PALM2AKAP2: variants seen among roughly 807,000 people sequenced by gnomAD.
The protein encoded by PALM2AKAP2 is PALM2-AKAP2 fusion protein.
A neutral mutation model predicts 71.5 loss-of-function variants in PALM2AKAP2; 37 were observed. The ratio of observed to expected loss-of-function variants is 0.52; its 90% CI spans 0.40 to 0.68. The LOEUF is 0.68. Among genes scored for constraint, PALM2AKAP2 ranks in the 30% least tolerant of loss-of-function variants. The pLI is 0.00. For synonymous variants in PALM2AKAP2, 468 were observed against 478.8 expected (o/e 0.98, Z 0.29); for missense variants, 1,224 against 1,191.8 (o/e 1.03, Z -0.40).
intron 1 of PALM2AKAP2, among the ~76,000 whole-genome samples, chr9:110,085,179 G>A (rs546194470): frequency 5.5e-4 from 84 of 152,194 alleles, no homozygotes; most frequent in Non-Finnish European, 1.0e-3. Flanking sequence ...GTGGTGACCC[G>A]TAGGAATTGT....
chr9:109,681,672 G>C (rs1036369529), intron 1 of PALM2AKAP2, among the ~76,000 whole-genome samples: 4 of 152,194 alleles, frequency 2.6e-5, no homozygotes, highest in African/African-American at 9.6e-5. Context: ...AAGCTGAATG[G>C]ATAGGCTGAA....
At chr9:109,677,544 T>C (rs2118507363) in intron 1 of PALM2AKAP2, among the ~76,000 whole-genome samples, 1 of 152,004 alleles carries the variant, frequency 6.6e-6, no homozygotes, top group African/African-American at 2.4e-5. Context: ...GGCGGGCACC[T>C]GTAATCCAAG....
intron 3 of PALM2AKAP2, among the ~76,000 whole-genome samples, chr9:110,160,248 T>C (rs1836563232): frequency 6.6e-6 from 1 of 152,240 alleles, no homozygotes; most frequent in African/African-American, 2.4e-5. Context: ...CCCTTTAGTC[T>C]GATGCTTTTG....
At chr9:110,044,007 C>G (rs1213106829), upstream of PALM2AKAP2, among the ~76,000 whole-genome samples, 2 of 152,046 alleles carry the variant, frequency 1.3e-5, no homozygotes, top group African/African-American at 4.8e-5. Context: ...GTGTGAGCCA[C>G]CACATCCAGC....
chr9:110,070,565 G>T (rs374641252), intron 1 of PALM2AKAP2, among the ~76,000 whole-genome samples: 1 of 152,178 alleles, frequency 6.6e-6, no homozygotes, highest in Non-Finnish European at 1.5e-5. Context: ...AAAAGTATAA[G>T]TTGGTCAATT....
At chr9:110,029,077 G>A (rs1833233028) in intron 7 of PALM2AKAP2, among the ~76,000 whole-genome samples, 1 of 151,982 alleles carries the variant, frequency 6.6e-6, no homozygotes, top group African/African-American at 2.4e-5. Flanking sequence ...CCCTTGATAT[G>A]CTTCTTTGCT....
intron 3 of PALM2AKAP2, among the ~76,000 whole-genome samples, chr9:109,892,259 T>A (rs963133013): frequency 6.6e-6 from 1 of 152,202 alleles, no homozygotes; most frequent in Non-Finnish European, 1.5e-5. Context: ...TGTGGCTGTG[T>A]CGCTCTAATC....
At chr9:110,096,426 A>AATTTATTTATTTATTTATTTAGTT (rs1834839568) in intron 1 of PALM2AKAP2, among the ~76,000 whole-genome samples, 1 of 149,400 alleles carries the variant, frequency 6.7e-6, no homozygotes, top group African/African-American at 2.5e-5. Flanking sequence ...ATTATGCCTG[A>AATTTATTTATTTATTTATTTAGTT]ATTTATTTAT....
chr9:110,065,068 G>A (rs1226511392), intron 1 of PALM2AKAP2, among the ~76,000 whole-genome samples: 4 of 152,188 alleles, frequency 2.6e-5, no homozygotes, highest in African/African-American at 9.7e-5. Flanking sequence ...AAGCTTTGGT[G>A]TCACACCAGC....
At chr9:109,651,572 G>A (rs1389324841) in intron 1 of PALM2AKAP2, among the ~76,000 whole-genome samples, 1 of 152,206 alleles carries the variant, frequency 6.6e-6, no homozygotes, top group Non-Finnish European at 1.5e-5. Flanking sequence ...AGCACTGAAA[G>A]TCTTATGAGA....
At position 110,136,504 on chromosome 9, in the gene PALM2AKAP2, C is replaced by T. The variant is rs902791528; in HGVS notation, c.534C>T (p.Gly178=). The T allele has an allele frequency of 1.9e-6, 3 of 1,613,766 alleles. No individual in the cohort carries two copies. The African/African-American group carries it at 4.0e-5, about 22-fold the overall frequency. ...CTGGTGCAGTGGTTCTGGTGGGCGG[C>T]CTAAGCCCCCCTGTCCACGAGGCGA... The change falls in exon 2 of 4, where the codon GGC becomes GGT. Residue 178 remains glycine, a synonymous_variant. Transcript: ENST00000374525.
chr9:109,869,852 A>G (rs1246742539), intron 2 of PALM2AKAP2, among the ~76,000 whole-genome samples: 1 of 152,188 alleles, frequency 6.6e-6, no homozygotes, highest in Non-Finnish European at 1.5e-5. Context: ...CACCATGGCA[A>G]CCTTGCTATT....
chr9:109,640,801 C>T (rs1013807816), exon 1 of PALM2AKAP2: 7 of 1,499,672 alleles, frequency 4.7e-6, no homozygotes, highest in Middle Eastern at 2.3e-4. Flanking sequence ...CACTCGGCTC[C>T]GGGAGAGGCG....
chr9:109,797,600 C>T (rs1339813930), intron 1 of PALM2AKAP2, among the ~76,000 whole-genome samples: 3 of 152,194 alleles, frequency 2.0e-5, no homozygotes, highest in Admixed American at 6.5e-5. Flanking sequence ...CCACATGCAC[C>T]AGCTTCAAGC....
intron 1 of PALM2AKAP2, among the ~76,000 whole-genome samples, chr9:109,858,771 C>T (rs1210326454): frequency 3.3e-5 from 5 of 152,144 alleles, no homozygotes; most frequent in Non-Finnish European, 5.9e-5. Flanking sequence ...TGTCATAAAG[C>T]GGGTCTTACT....
At chr9:109,817,999 T>G (rs955483230) in intron 1 of PALM2AKAP2, among the ~76,000 whole-genome samples, 4 of 152,236 alleles carry the variant, frequency 2.6e-5, no homozygotes, top group Admixed American at 6.5e-5. Flanking sequence ...AGAAATGCGC[T>G]GATAACTGAG....
intron 1 of PALM2AKAP2, among the ~76,000 whole-genome samples, chr9:110,122,315 A>G (rs951044216): frequency 6.6e-6 from 1 of 152,218 alleles, no homozygotes; most frequent in African/African-American, 2.4e-5. Context: ...TACAGGTGTG[A>G]GCCACTGGTC....
intron 1 of PALM2AKAP2, among the ~76,000 whole-genome samples, chr9:109,761,564 C>T (rs890036257): frequency 3.3e-5 from 5 of 152,186 alleles, no homozygotes; most frequent in African/African-American, 1.2e-4. Flanking sequence ...GTGATGTTCA[C>T]CTCCGTGTGT....
At chr9:109,790,165 T>A (rs2118863016) in intron 1 of PALM2AKAP2, among the ~76,000 whole-genome samples, 1 of 152,284 alleles carries the variant, frequency 6.6e-6, no homozygotes. Flanking sequence ...TCGGAACACA[T>A]CTTCCTGTCC....
Sources: allele counts gnomAD v4.1 joint callset (sites outside exome capture counted in the v4.1 genomes callset), GRCh38; gene constraint gnomAD v4.1.1; transcripts MANE v1.5; gene names NCBI Gene and HGNC (gene_info 2026-07-23, HGNC 2026-07-21).